Variants in VTI1A observed in about 807,000 individuals in gnomAD.
VTI1A encodes vesicle transport through interaction with t-SNAREs 1A, also known as vesicle transport through interaction with t-SNAREs homolog 1A.
Under a neutral mutation model 34.9 loss-of-function variants are expected in VTI1A, and 22 were observed. That is an observed-to-expected ratio of 0.63 (90% confidence interval 0.45 to 0.90). The LOEUF (loss-of-function observed/expected upper bound fraction) is 0.90. Among genes scored for constraint, VTI1A ranks in the 40% least tolerant of loss-of-function variants. VTI1A has a pLI of 0.00. For synonymous variants in VTI1A, 87 were observed against 97.3 expected (o/e 0.89, Z 0.62); for missense variants, 268 against 275.6 (o/e 0.97, Z 0.20).
At chr10:112,540,332 T>A (rs549503460) in intron 5 of VTI1A, among the ~76,000 whole-genome samples, 1 of 152,256 alleles carries the variant, frequency 6.6e-6, no homozygotes, top group African/African-American at 2.4e-5. Context: ...AAGAGTGTCC[T>A]GTCAGCCTAC....
At chr10:112,709,316 A>G (rs558497546) in intron 7 of VTI1A, among the ~76,000 whole-genome samples, 48 of 152,288 alleles carry the variant, frequency 3.2e-4, no homozygotes, top group African/African-American at 1.1e-3. Context: ...AGAGTATACA[A>G]TGAAGATTTT....
At chr10:112,695,660 C>T (rs921633978) in intron 7 of VTI1A, among the ~76,000 whole-genome samples, 2 of 152,180 alleles carry the variant, frequency 1.3e-5, no homozygotes, top group Non-Finnish European at 2.9e-5. Context: ...AGGTACAAAG[C>T]TCAAGGCAGT....
chr10:112,771,011 G>A (rs910679450), intron 7 of VTI1A, among the ~76,000 whole-genome samples: 3 of 152,066 alleles, frequency 2.0e-5, no homozygotes, highest in Admixed American at 6.5e-5. Flanking sequence ...ACACTGAGTC[G>A]TTTTGAATGG....
At chr10:112,455,659 CT>C (rs1847491629) in intron 1 of VTI1A, among the ~76,000 whole-genome samples, 1 of 111,048 alleles carries the variant, frequency 9.0e-6, no homozygotes, top group Non-Finnish European at 1.8e-5. Context: ...CCCTCCCTCC[CT>C]TCCTCCCTTC....
intron 1 of VTI1A, chr10:112,448,771 T>C (rs563140779): frequency 6.6e-6 from 1 of 152,246 alleles, no homozygotes; most frequent in African/African-American, 2.4e-5. Flanking sequence ...CGGACCTAAG[T>C]TGTCATTCCT....
rs148561777 is a variant in VTI1A, at chr10:112,808,550, G to A, written c.561-6740G>A. Among the ~76,000 whole-genome samples, 1,399 of 151,048 alleles carry A rather than the reference G, an allele frequency of 9.3e-3. 17 individuals carry two copies. Among genetic ancestry groups the A allele is most frequent in the African/African-American group, 0.03 (1,247 of 41,120 alleles). On this transcript the variant is annotated intron_variant, in intron 7 of 7. Transcript: ENST00000393077. ...TGAGGCAGGAGAATCACTTGGCCCC[G>A]GGAGGTGGAGGTTGCAGTGAGCTGA...
intron 7 of VTI1A, among the ~76,000 whole-genome samples, chr10:112,766,148 A>G (rs938380402): frequency 1.3e-5 from 2 of 152,206 alleles, no homozygotes; most frequent in Admixed American, 6.5e-5. Flanking sequence ...AGCACGTGCT[A>G]AGGAATGTTA....
chr10:112,733,762 T>TATTTG, intron 7 of VTI1A, among the ~76,000 whole-genome samples: 1 of 150,528 alleles, frequency 6.6e-6, no homozygotes, highest in Non-Finnish European at 1.5e-5. Context: ...TATTTTATTT[T>TATTTG]ATTTTATTTT....
intron 5 of VTI1A, among the ~76,000 whole-genome samples, chr10:112,547,343 G>A (rs1225385487): frequency 1.3e-5 from 2 of 152,072 alleles, no homozygotes; most frequent in African/African-American, 2.4e-5. Context: ...TTGGGAGGCC[G>A]AGGTGGGCGG....
chr10:112,671,140 G>A lies in VTI1A; in HGVS notation c.560+2142G>A, dbSNP rs527286231. ...AAAAGCTCTCTCTAGAGAAGTAGAG[G>A]CAGGGTTTATGTACCAAAGCCTTTT... On this transcript the variant is annotated intron_variant, in intron 7 of 7. Transcript: ENST00000393077. Among the ~76,000 whole-genome samples the A allele has an allele frequency of 1.8e-3, 275 of 152,260 alleles. 2 individuals are homozygous for A. The highest frequency in any genetic ancestry group is 6.4e-3 in the African/African-American group (265 of 41,546).
At chr10:112,696,709 A>G (rs1306951085) in intron 7 of VTI1A, among the ~76,000 whole-genome samples, 1 of 152,190 alleles carries the variant, frequency 6.6e-6, no homozygotes, top group Non-Finnish European at 1.5e-5. Flanking sequence ...AAAAATAATC[A>G]CCATCACTTT....
At chr10:112,792,684 T>G (rs1209802880) in intron 7 of VTI1A, among the ~76,000 whole-genome samples, 1 of 152,208 alleles carries the variant, frequency 6.6e-6, no homozygotes, top group African/African-American at 2.4e-5. Flanking sequence ...GAAGTGGTAT[T>G]GCCAGCCCGT....
At chr10:112,836,242 A>G in the VTI1A span, among the ~76,000 whole-genome samples, 21 of 152,224 alleles carry the variant, frequency 1.4e-4, no homozygotes, top group African/African-American at 4.8e-4. Flanking sequence ...GGTGCAAGTT[A>G]TGAAATGAAA....
At chr10:112,592,936 G>A (rs192079483) in intron 5 of VTI1A, among the ~76,000 whole-genome samples, 2 of 152,294 alleles carry the variant, frequency 1.3e-5, no homozygotes, top group East Asian at 1.9e-4. Flanking sequence ...AATCAGGAGC[G>A]TTTATTGAAT....
At chr10:112,639,326 G>C (rs750668360) in intron 5 of VTI1A, among the ~76,000 whole-genome samples, 1 of 152,172 alleles carries the variant, frequency 6.6e-6, no homozygotes, top group Non-Finnish European at 1.5e-5. Context: ...GCTTTTAGAC[G>C]TATAGGAGAC....
At chr10:112,719,748 G>T (rs772571517) in intron 7 of VTI1A, among the ~76,000 whole-genome samples, 19 of 152,150 alleles carry the variant, frequency 1.2e-4, no homozygotes, top group South Asian at 8.3e-4. Context: ...GTTTCTCCAT[G>T]TTGGTCAGGC....
chr10:112,779,809 G>A (rs1234508503), intron 7 of VTI1A, among the ~76,000 whole-genome samples: 2 of 152,148 alleles, frequency 1.3e-5, no homozygotes, highest in Non-Finnish European at 2.9e-5. Flanking sequence ...ATTGGCGAGA[G>A]AAGAAATTAT....
rs868220609 is a variant in VTI1A, at chr10:112,505,792, G to A, written c.265-21295G>A. On this transcript the variant is annotated intron_variant, in intron 3 of 7. Transcript: ENST00000393077. ...AGGCTCAAGCAATCCTCCCACTTCTGCCTCCTGAGTAGCTGGGACTACAGG... is the reference window on the plus strand; with the variant it reads ...AGGCTCAAGCAATCCTCCCACTTCTACCTCCTGAGTAGCTGGGACTACAGG... Among the ~76,000 whole-genome samples, 3 of 151,688 alleles carry A rather than the reference G, an allele frequency of 2.0e-5. No individual in the cohort carries two copies. In the Middle Eastern group the frequency reaches 0.01, roughly 516 times the overall value.
the VTI1A span, among the ~76,000 whole-genome samples, chr10:112,847,176 T>G: frequency 1.3e-5 from 2 of 152,222 alleles, no homozygotes; most frequent in Admixed American, 6.5e-5. Context: ...GTTTGTTTCT[T>G]CTGTTGAACA....
Sources: gnomAD v4.1 joint callset for allele counts (sites outside exome capture counted in the v4.1 genomes callset) on GRCh38, gnomAD v4.1.1 for gene constraint, MANE v1.5 for transcripts, NCBI Gene and HGNC (gene_info 2026-07-23, HGNC 2026-07-21) for gene names.